The following SLIT3 variants were observed in gnomAD, a reference collection of about 807,000 sequenced individuals.
SLIT3 encodes the protein slit homolog 3 protein.
In SLIT3, 68 loss-of-function variants were observed where a neutral mutation model predicts 184.0. The ratio of observed to expected loss-of-function variants is 0.37; its 90% CI spans 0.30 to 0.45. The LOEUF (loss-of-function observed/expected upper bound fraction) is 0.45, where lower values mean the gene tolerates loss of function less well. Among genes scored for constraint, SLIT3 ranks in the 20% least tolerant of loss-of-function variants. The pLI, the probability that SLIT3 is intolerant of heterozygous loss-of-function variation, is 1.00. For missense variants in SLIT3, 1,707 were observed against 2,026.0 expected, an observed-to-expected ratio of 0.84 and a Z score of 3.02; for synonymous variants, 831 against 828.6, an observed-to-expected ratio of 1.00 and a Z score of -0.05.
intron 4 of SLIT3, among the ~76,000 whole-genome samples, chr5:169,028,147 T>C (rs1462207587): frequency 6.6e-6 from 1 of 152,036 alleles, no homozygotes; most frequent in Non-Finnish European, 1.5e-5. Flanking sequence ...AATCCCCAAA[T>C]ATTCTTTAAA....
At chr5:168,810,939 T>C (rs1036056254) in intron 8 of SLIT3, among the ~76,000 whole-genome samples, 2 of 152,094 alleles carry the variant, frequency 1.3e-5, no homozygotes, top group African/African-American at 4.8e-5. Context: ...TCTCTGCTGC[T>C]TGTATAACTC....
intron 4 of SLIT3, among the ~76,000 whole-genome samples, chr5:168,897,646 G>GCGCGCGCGCGCGCACACACACACACACA: frequency 2.2e-4 from 23 of 105,442 alleles, no homozygotes; most frequent in Middle Eastern, 4.6e-3. Flanking sequence ...ACAGGTGCAC[G>GCGCGCGCGCGCGCACACACACACACACA]TACACACACA....
intron 1 of SLIT3, among the ~76,000 whole-genome samples, chr5:169,273,079 C>T (rs1766685481): frequency 6.6e-6 from 1 of 152,062 alleles, no homozygotes; most frequent in Non-Finnish European, 1.5e-5. Context: ...ACACCTCAGC[C>T]CTTGGGAAGG....
At chr5:168,798,690 C>A (rs10070033) in intron 9 of SLIT3, among the ~76,000 whole-genome samples, 1 of 151,902 alleles carries the variant, frequency 6.6e-6, no homozygotes, top group Non-Finnish European at 1.5e-5. Flanking sequence ...TGGTTGCGAA[C>A]AGTTTGTGTA....
rs75725832 is a variant in SLIT3 at position 168,784,538 on chromosome 5, G to A, written c.1151+1369C>T. Among the ~76,000 whole-genome samples, 493 of 152,290 alleles carry A rather than the reference G, an allele frequency of 3.2e-3. 2 individuals are homozygous for A. Among genetic ancestry groups the A allele is most frequent in the African/African-American group, 0.011 (463 of 41,554 alleles). On this transcript the variant is annotated intron_variant, in intron 12 of 35. Transcript: ENST00000519560. ...CCTGGAAACTTGCTGGGCATCGCAC[G>A]CCTACATAATTCACATTAGTGCGTG...
intron 35 of SLIT3, among the ~76,000 whole-genome samples, chr5:168,668,987 A>G (rs1479707992): frequency 6.6e-6 from 1 of 152,198 alleles, no homozygotes; most frequent in Non-Finnish European, 1.5e-5. Context: ...CAGGATAGTC[A>G]AGGTCATGCA....
At chr5:169,160,723 G>A (rs1048589594) in intron 4 of SLIT3, among the ~76,000 whole-genome samples, 7 of 152,106 alleles carry the variant, frequency 4.6e-5, no homozygotes, top group African/African-American at 9.7e-5. Context: ...CACTGAGCTC[G>A]TTTACTTTCA....
intron 4 of SLIT3, among the ~76,000 whole-genome samples, chr5:168,953,945 C>T (rs1452526430): frequency 1.3e-5 from 2 of 152,174 alleles, no homozygotes; most frequent in African/African-American, 4.8e-5. Context: ...TCTGAGTTGA[C>T]GACTTCTAGA....
chr5:168,968,156 C>T (rs913901549), intron 4 of SLIT3, among the ~76,000 whole-genome samples: 11 of 152,216 alleles, frequency 7.2e-5, no homozygotes, highest in East Asian at 3.9e-4. Context: ...GTCATCTCCC[C>T]CTCTGCTTTC....
intron 5 of SLIT3, among the ~76,000 whole-genome samples, chr5:168,846,348 A>G (rs10068957): frequency 0.19 from 29,456 of 151,984 alleles, 2,883 homozygotes; most frequent in East Asian, 0.26. Flanking sequence ...GTCTCACCAC[A>G]TCTTCTCGAC....
intron 3 of SLIT3, among the ~76,000 whole-genome samples, chr5:169,211,146 A>G (rs1207064186): frequency 3.3e-5 from 5 of 152,166 alleles, no homozygotes; most frequent in Admixed American, 6.5e-5. Flanking sequence ...AGCTAAGACC[A>G]TCTGAAACAG....
chr5:168,746,334 A>AGT (rs1763805683), intron 20 of SLIT3, among the ~76,000 whole-genome samples: 1 of 62,238 alleles, frequency 1.6e-5, no homozygotes. Flanking sequence ...GTGGTGTGTG[A>AGT]GTGTGGTGGT....
chr5:169,050,404 T>A (rs1757773652), intron 4 of SLIT3, among the ~76,000 whole-genome samples: 1 of 152,178 alleles, frequency 6.6e-6, no homozygotes, highest in Admixed American at 6.5e-5. Flanking sequence ...TATCCACCCA[T>A]CCATCCCATA....
At chr5:169,037,230 A>T (rs1757286815) in intron 4 of SLIT3, among the ~76,000 whole-genome samples, 1 of 152,242 alleles carries the variant, frequency 6.6e-6, no homozygotes, top group Non-Finnish European at 1.5e-5. Context: ...TAATGTCAAG[A>T]AACAAAGTCC....
intron 5 of SLIT3, among the ~76,000 whole-genome samples, chr5:168,854,286 G>A (rs1474784327): frequency 6.8e-6 from 1 of 147,662 alleles, no homozygotes; most frequent in African/African-American, 2.5e-5. Context: ...CTCAGTATTT[G>A]TCACTGGGAA....
intron 35 of SLIT3, among the ~76,000 whole-genome samples, chr5:168,669,266 T>G (rs1305541881): frequency 2.6e-5 from 4 of 152,236 alleles, no homozygotes; most frequent in African/African-American, 9.7e-5. Context: ...ACAAGTGGCT[T>G]ACTCTCTTCT....
At chr5:169,288,364 T>TA (rs397800410) in intron 1 of SLIT3, among the ~76,000 whole-genome samples, 39 of 151,928 alleles carry the variant, frequency 2.6e-4, no homozygotes, top group Non-Finnish European at 3.2e-4. Context: ...AGTTTTTTTT[T>TA]AATTCCACTT....
At chr5:168,847,970 T>C (rs1758537785) in intron 5 of SLIT3, among the ~76,000 whole-genome samples, 1 of 152,194 alleles carries the variant, frequency 6.6e-6, no homozygotes, top group Admixed American at 6.5e-5. Context: ...GGGAGGCATC[T>C]GCAAAAAGGG....
At chr5:168,825,591 T>C (rs1323120789) in intron 6 of SLIT3, among the ~76,000 whole-genome samples, 1 of 152,238 alleles carries the variant, frequency 6.6e-6, no homozygotes, top group East Asian at 1.9e-4. Context: ...AACTCGCCAA[T>C]GCAGGTATTT....
Sources: gnomAD v4.1 joint callset for allele counts (sites outside exome capture counted in the v4.1 genomes callset) on GRCh38, gnomAD v4.1.1 for gene constraint, MANE v1.5 for transcripts, NCBI Gene and HGNC (gene_info 2026-07-23, HGNC 2026-07-21) for gene names.